FGF13: variants seen among roughly 807,000 people sequenced by gnomAD.
The protein encoded by FGF13 is fibroblast growth factor homologous factor 2.
FGF13 carries 2 observed loss-of-function variants against 19.5 expected under a neutral mutation model. That is an observed-to-expected ratio of 0.10 (90% CI 0.04 to 0.32). FGF13 has a LOEUF of 0.32. Ranked by LOEUF, FGF13 falls within the 10% of genes least tolerant of loss-of-function variation. FGF13 has a pLI of 1.00. For missense variants in FGF13, 113 were observed against 192.7 expected (o/e 0.59, Z 2.45); for synonymous variants, 72 against 76.9 (o/e 0.94, Z 0.33).
chrX:138,797,572 T>C (rs1369269247), intron 3 of FGF13, among the ~76,000 whole-genome samples: 1 of 111,483 alleles, frequency 9.0e-6, no homozygotes, highest in Admixed American at 9.5e-5. Flanking sequence ...AAACTAAAGG[T>C]AGTTTTTTTT....
chrX:139,047,370 G>T (rs1334168223), intron 1 of FGF13, among the ~76,000 whole-genome samples: 2 of 110,581 alleles, frequency 1.8e-5, no homozygotes, highest in African/African-American at 6.7e-5. Context: ...TTATTTTGGA[G>T]AATGAGAACA....
At chrX:138,816,764 AT>A (rs892799730) in intron 3 of FGF13, among the ~76,000 whole-genome samples, 1 of 111,674 alleles carries the variant, frequency 9.0e-6, no homozygotes, top group Non-Finnish European at 1.9e-5. Flanking sequence ...CTTTTTTGCA[AT>A]TTTTTTAAAC....
At chrX:138,922,967 T>G (rs1386659867) in intron 1 of FGF13, among the ~76,000 whole-genome samples, 2 of 112,469 alleles carry the variant, frequency 1.8e-5, no homozygotes, top group African/African-American at 6.5e-5. Context: ...TACAAAATAT[T>G]CCTATATGAC....
At chrX:138,699,605 G>A (rs2089927814) in intron 3 of FGF13, among the ~76,000 whole-genome samples, 1 of 111,728 alleles carries the variant, frequency 9.0e-6, no homozygotes, top group Non-Finnish European at 1.9e-5. Context: ...CACAACATAT[G>A]AAACATTTCA....
At chrX:138,686,401 G>T (rs2089783105) in intron 3 of FGF13, among the ~76,000 whole-genome samples, 1 of 111,712 alleles carries the variant, frequency 9.0e-6, no homozygotes, top group African/African-American at 3.2e-5. Context: ...CAATTTGTTG[G>T]TAATACATTC....
At chrX:138,688,940 T>C (rs145407821) in intron 3 of FGF13, among the ~76,000 whole-genome samples, 3,805 of 111,627 alleles carry the variant, frequency 0.034, 131 homozygotes, top group African/African-American at 0.12. Flanking sequence ...ATGATAAGCA[T>C]CTTTGAAAAT....
At chrX:138,973,443 C>G (rs2124321232) in intron 1 of FGF13, among the ~76,000 whole-genome samples, 1 of 111,872 alleles carries the variant, frequency 8.9e-6, no homozygotes, top group Non-Finnish European at 1.9e-5. Flanking sequence ...AGAATGTTCC[C>G]TGTGCTGTTA....
chrX:138,754,915 A>T (rs1357940082), intron 3 of FGF13, among the ~76,000 whole-genome samples: 2 of 111,105 alleles, frequency 1.8e-5, no homozygotes, highest in East Asian at 2.8e-4. Flanking sequence ...TTGCACTGGG[A>T]GCGGACTCTT....
At chrX:139,037,848 T>A (rs980257236) in intron 1 of FGF13, among the ~76,000 whole-genome samples, 4 of 112,206 alleles carry the variant, frequency 3.6e-5, no homozygotes, top group African/African-American at 1.3e-4. Context: ...GGGGAAGGCA[T>A]TATTCAGCCT....
chrX:139,054,899 GTTGTA>G (rs555643117), intron 1 of FGF13, among the ~76,000 whole-genome samples: 2,190 of 98,773 alleles, frequency 0.022, 25 homozygotes, highest in East Asian at 0.11. Context: ...GTTGTGTTGT[GTTGTA>G]TTGTATTGTA....
At chrX:138,791,417 T>C (rs1262054208) in intron 3 of FGF13, among the ~76,000 whole-genome samples, 1 of 112,347 alleles carries the variant, frequency 8.9e-6, no homozygotes, top group African/African-American at 3.2e-5. Flanking sequence ...AAAGTTGTGC[T>C]TCCTTTACCT....
At chrX:139,142,055 T>A (rs1363033620) in intron 1 of FGF13, among the ~76,000 whole-genome samples, 1 of 111,891 alleles carries the variant, frequency 8.9e-6, no homozygotes, top group Non-Finnish European at 1.9e-5. Context: ...GTACACATTC[T>A]GCCTGAAGAA....
chrX:138,910,206 A>G (rs2091579868), intron 1 of FGF13, among the ~76,000 whole-genome samples: 1 of 111,310 alleles, frequency 9.0e-6, no homozygotes, highest in Non-Finnish European at 1.9e-5. Context: ...CCTCAAGCTC[A>G]AGAAATACTC....
chrX:138,906,099 A>C lies in FGF13; in HGVS notation c.-112-41449T>G, dbSNP rs189153870. Among the ~76,000 whole-genome samples the C allele has an allele frequency of 2.7e-5, 3 of 111,797 alleles. No homozygotes were observed. In the East Asian group the frequency reaches 8.5e-4, roughly 32 times the overall value. ...AACCAATGCAAAATACTATTAAGTGAATGCTCAGTCTGATATGTCTGGAAT... is the reference window on the plus strand; with the variant it reads ...AACCAATGCAAAATACTATTAAGTGCATGCTCAGTCTGATATGTCTGGAAT... On this transcript the variant is annotated intron_variant, in intron 1 of 2. Transcript: ENST00000421460.
chrX:138,891,472 C>T (rs2124195136), intron 1 of FGF13, among the ~76,000 whole-genome samples: 1 of 111,046 alleles, frequency 9.0e-6, no homozygotes, highest in African/African-American at 3.3e-5. Context: ...AATCCCATCA[C>T]TGGGGCTCAC....
At chrX:138,678,057 T>G (rs1451042401) in intron 3 of FGF13, among the ~76,000 whole-genome samples, 1 of 111,802 alleles carries the variant, frequency 8.9e-6, no homozygotes, top group African/African-American at 3.3e-5. Context: ...GAAATCATCA[T>G]TCTCAGTAAA....
intron 1 of FGF13, among the ~76,000 whole-genome samples, chrX:139,171,459 G>A (rs2084132113): frequency 9.0e-6 from 1 of 111,288 alleles, no homozygotes; most frequent in Non-Finnish European, 1.9e-5. Context: ...GCTTCTGATG[G>A]GAGGTTCTAA....
intron 3 of FGF13, among the ~76,000 whole-genome samples, chrX:138,780,120 A>AT (rs1018114292): frequency 1.8e-4 from 20 of 109,047 alleles, no homozygotes; most frequent in African/African-American, 6.7e-4. Context: ...ATGCTGAGAG[A>AT]TTTTGTCACC....
chrX:139,037,795 T>C (rs753021573), intron 1 of FGF13, among the ~76,000 whole-genome samples: 27 of 112,465 alleles, frequency 2.4e-4, no homozygotes, highest in African/African-American at 8.1e-4. Context: ...CCATTTAAGG[T>C]AATATATTCA....
Sources: allele counts gnomAD v4.1 joint callset (sites outside exome capture counted in the v4.1 genomes callset), GRCh38; gene constraint gnomAD v4.1.1; transcripts MANE v1.5; gene names NCBI Gene and HGNC (gene_info 2026-07-23, HGNC 2026-07-21).